IL1RL1: variants seen among roughly 807,000 people sequenced by gnomAD.
IL1RL1 encodes interleukin-1 receptor-like 1.
IL1RL1 carries 32 observed loss-of-function variants against 50.9 expected under a neutral mutation model. The ratio of observed to expected loss-of-function variants is 0.63; its 90% CI spans 0.47 to 0.84. IL1RL1 has a LOEUF of 0.84. Among genes scored for constraint, IL1RL1 ranks in the 40% least tolerant of loss-of-function variants. IL1RL1 has a pLI of 0.00. For synonymous variants in IL1RL1, 275 were observed against 236.0 expected, an observed-to-expected ratio of 1.17 and a Z score of -1.51; for missense variants, 773 against 662.9, an observed-to-expected ratio of 1.17 and a Z score of -1.82.
At chr2:102,352,069 C>A, downstream of IL1RL1, 1 of 821,098 alleles carries the variant, frequency 1.2e-6, no homozygotes, top group South Asian at 2.0e-5. Context: ...CTTCCATTTC[C>A]CTGCTTCTGG....
At chr2:102,331,721 A>AT (rs1314146912) in intron 1 of IL1RL1, among the ~76,000 whole-genome samples, 1 of 152,100 alleles carries the variant, frequency 6.6e-6, no homozygotes, top group Non-Finnish European at 1.5e-5. Context: ...TAAAAGCTTT[A>AT]TTTTTTGAAT....
chr2:102,349,268 A>G (rs778228929), intron 10 of IL1RL1, 22 bp downstream of exon 10: 1 of 1,603,918 alleles, frequency 6.2e-7, no homozygotes, highest in African/African-American at 1.3e-5. Flanking sequence ...GACATACATT[A>G]GGGACAGAAA....
At chr2:102,334,588 G>GA (rs1228259001) in intron 1 of IL1RL1, among the ~76,000 whole-genome samples, 2 of 142,548 alleles carry the variant, frequency 1.4e-5, no homozygotes, top group Admixed American at 1.4e-4. Flanking sequence ...CTAGTGAAAT[G>GA]AGGGGAAAAA....
Position 102,335,759 on chromosome 2 carries a change from C to A in IL1RL1, c.-149-2357C>A, listed in dbSNP as rs1056145543. 2.0e-5 allele frequency among the ~76,000 whole-genome samples: 3 copies of A among 152,024 alleles called. No individual in the cohort carries two copies. In the South Asian group the frequency reaches 6.2e-4, roughly 32 times the overall value. ...TGTTTTAAAAAGATGTTTTGGGATA[C>A]CAAATGTAAAAGAATTCCGAGTTTG... is the stretch of plus-strand genomic sequence containing the variant. On this transcript the variant is annotated intron_variant, in intron 1 of 10. Transcript: ENST00000233954.
intron 1 of IL1RL1, among the ~76,000 whole-genome samples, chr2:102,326,110 G>A (rs898448860): frequency 7.9e-5 from 12 of 152,278 alleles, no homozygotes; most frequent in African/African-American, 1.7e-4. Flanking sequence ...GAGAAAGGTC[G>A]GGTTACCCAC....
intron 10 of IL1RL1, among the ~76,000 whole-genome samples, chr2:102,350,999 C>T (rs996432331): frequency 3.3e-5 from 5 of 152,122 alleles, no homozygotes; most frequent in African/African-American, 1.2e-4. Flanking sequence ...TCTATTGTCC[C>T]TTGAGATTTT....
chr2:102,342,769 A>C (rs1677620351), intron 6 of IL1RL1, among the ~76,000 whole-genome samples: 1 of 152,142 alleles, frequency 6.6e-6, no homozygotes, highest in Non-Finnish European at 1.5e-5. Context: ...GGGTTGGTGA[A>C]GGCAGAATCA....
chr2:102,320,378 G>C (rs1190951622), intron 1 of IL1RL1, among the ~76,000 whole-genome samples: 1 of 152,046 alleles, frequency 6.6e-6, no homozygotes, highest in Non-Finnish European at 1.5e-5. Context: ...AAAATCAGAA[G>C]TTGCTCTATT....
At chr2:102,350,871 T>C (rs71415348) in intron 10 of IL1RL1, among the ~76,000 whole-genome samples, 1 of 152,204 alleles carries the variant, frequency 6.6e-6, no homozygotes, top group Non-Finnish European at 1.5e-5. Flanking sequence ...TTATTCACGG[T>C]TGTGCTTTCT....
intron 1 of IL1RL1, among the ~76,000 whole-genome samples, 189 bp downstream of exon 1, chr2:102,311,812 A>T (rs1212014568): frequency 2.2e-5 from 2 of 92,218 alleles, no homozygotes; most frequent in African/African-American, 4.3e-5. Context: ...TATTATATAT[A>T]ATACAATTAT....
chr2:102,340,419 C>T (rs995974270), intron 4 of IL1RL1, 147 bp downstream of exon 4: 24 of 719,670 alleles, frequency 3.3e-5, no homozygotes, highest in Non-Finnish European at 4.4e-5. Context: ...TTGAGACCAG[C>T]CTGGCCAACA....
At chr2:102,323,228 T>C (rs1232066954) in intron 1 of IL1RL1, among the ~76,000 whole-genome samples, 1 of 149,484 alleles carries the variant, frequency 6.7e-6, no homozygotes, top group Non-Finnish European at 1.5e-5. Flanking sequence ...GTAGATGTTC[T>C]TTAACTTTTT....
At chr2:102,339,355 A>G (rs1677454853) in intron 3 of IL1RL1, 1 of 250,874 alleles carries the variant, frequency 4.0e-6, no homozygotes, top group Non-Finnish European at 7.7e-6. Flanking sequence ...GGAATTAAGA[A>G]CAAACTAGCA....
At chr2:102,319,970 T>C (rs1025005856) in intron 1 of IL1RL1, among the ~76,000 whole-genome samples, 3 of 152,234 alleles carry the variant, frequency 2.0e-5, no homozygotes, top group Non-Finnish European at 4.4e-5. Flanking sequence ...ATTACTGGTG[T>C]GAACCATCAC....
downstream of IL1RL1, among the ~76,000 whole-genome samples, chr2:102,352,242 C>CT (rs112858069): frequency 0.45 from 66,761 of 148,788 alleles, 17,172 homozygotes; most frequent in African/African-American, 0.7. Context: ...TCTCCTCATT[C>CT]TTGTCAATAA....
At chr2:102,338,068 A>T in intron 1 of IL1RL1, 48 bp from the exon 2 acceptor site, 1 of 397,506 alleles carries the variant, frequency 2.5e-6, no homozygotes. Flanking sequence ...AGTAAAAATC[A>T]TGGCTGATAA....
intron 1 of IL1RL1, among the ~76,000 whole-genome samples, chr2:102,334,538 A>C (rs1163723491): frequency 6.6e-6 from 1 of 152,204 alleles, no homozygotes; most frequent in Non-Finnish European, 1.5e-5. Flanking sequence ...TCAATAAAAA[A>C]AAATAAAAAA....
At chr2:102,315,129 C>T (rs1676639396) in intron 1 of IL1RL1, among the ~76,000 whole-genome samples, 1 of 152,154 alleles carries the variant, frequency 6.6e-6, no homozygotes, top group Non-Finnish European at 1.5e-5. Flanking sequence ...GATGGAGTGT[C>T]TGAGGGCCGA....
chr2:102,328,177 T>C (rs1221435195), intron 1 of IL1RL1, among the ~76,000 whole-genome samples: 3 of 152,060 alleles, frequency 2.0e-5, no homozygotes, highest in East Asian at 1.9e-4. Flanking sequence ...GGGCTTCATC[T>C]CTGGGATGCA....
Sources: allele counts gnomAD v4.1 joint callset (sites outside exome capture counted in the v4.1 genomes callset), GRCh38; gene constraint gnomAD v4.1.1; transcripts MANE v1.5; gene names NCBI Gene and HGNC (gene_info 2026-07-23, HGNC 2026-07-21).